Variants in AHNAK2 observed in about 807,000 individuals in gnomAD.
AHNAK2 encodes protein AHNAK2.
In AHNAK2, 18 loss-of-function variants were observed where a neutral mutation model predicts 30.7. That is an observed-to-expected ratio of 0.59 (90% CI 0.41 to 0.87). The LOEUF (loss-of-function observed/expected upper bound fraction) is 0.87, where lower values mean the gene tolerates loss of function less well. Among genes scored for constraint, AHNAK2 ranks in the 40% least tolerant of loss-of-function variants. The pLI, the probability that AHNAK2 is intolerant of heterozygous loss-of-function variation, is 0.00. For missense variants in AHNAK2, 8,604 were observed against 7,373.0 expected, an observed-to-expected ratio of 1.17 and a Z score of -6.11; for synonymous variants, 3,590 against 3,073.8, an observed-to-expected ratio of 1.17 and a Z score of -5.56.
In AHNAK2 at chr14:104,938,228, G is replaced by T. The variant is rs533237102; in HGVS notation, c.17223C>A (p.Ser5741=). ...ITFFDARESF[S]PEEKEEGELI... ...GTTCACCCTCTTCCTTCTCTTCAGG[G>T]GAGAAACTTTCTCGGGCATCAAAAA... The change falls in exon 7 of 7, where the codon TCC becomes TCA. Residue 5741 remains serine, a synonymous_variant. Transcript: ENST00000333244. 4.3e-6 allele frequency: 7 copies of T among 1,613,832 alleles called. No homozygotes were observed. The East Asian group carries it at 1.6e-4, about 36-fold the overall frequency.
In AHNAK2 at chr14:104,940,722, T is replaced by C. The variant is rs1897953071; in HGVS notation, c.14729A>G (p.Gln4910Arg). Residue 4910 changes from glutamine to arginine, a missense_variant, in exon 7 of 7, where the codon CAG becomes CGG. Gln to Arg is a conservative substitution (Grantham distance 43, BLOSUM62 1). Coordinates refer to ENST00000333244, the MANE Select transcript of AHNAK2 (RefSeq NM_138420.4). The surrounding 1 kb of genome is among the most constrained non-coding windows in gnomAD (Gnocchi z 4.4). The stretch of plus-strand genomic sequence containing the variant: ...CACACAGGTGCCTGGGGATGGCAGC[T>C]GGGTGCTTGGCAAGGGGCACTGCAC... ...ERVQCPLPST[Q>R]LPSPGTCVSQ... 2.5e-6 allele frequency: 4 copies of C among 1,612,916 alleles called. 1 individual carries two copies. In the Admixed American group the frequency reaches 6.7e-5, roughly 27 times the overall value.
intron 1 of AHNAK2, among the ~76,000 whole-genome samples, chr14:104,962,707 G>A (rs1344058195): frequency 1.3e-5 from 2 of 152,168 alleles, no homozygotes; most frequent in East Asian, 1.9e-4. Context: ...AAGTACAGGC[G>A]TGAGCCACCA....
rs1898068182 is a variant in AHNAK2 at position 104,943,041 on chromosome 14, T to C, written c.12410A>G (p.Lys4137Arg). The change falls in exon 7 of 7, where the codon AAG (lysine) becomes AGG (arginine). Residue 4137 changes from lysine to arginine, a missense_variant. Physicochemically the swap from Lys to Arg is conservative, Grantham distance 26. Coordinates refer to ENST00000333244, the MANE Select transcript of AHNAK2 (RefSeq NM_138420.4). ...TAKDSKFKMP[K>R]FKMPSFGVSA... Reference sequence around the variant, plus strand: ...CACCCCGAATGATGGCATCTTGAACTTGGGCATTTTGAACTTGCTGTCTTT... The same window carrying C: ...CACCCCGAATGATGGCATCTTGAACCTGGGCATTTTGAACTTGCTGTCTTT... 6.2e-7 allele frequency: 1 copy of C among 1,612,744 alleles called. No individual in the cohort carries two copies. Among genetic ancestry groups the C allele is most frequent in the Non-Finnish European group, 8.5e-7 (1 of 1,179,430 alleles).
rs753804248 is a variant in AHNAK2 at position 104,957,664 on chromosome 14, G to T, written c.64C>A (p.Arg22Ser). Residue 22 changes from arginine (R) to serine (S), a missense_variant, in exon 2 of 7, where the codon CGT becomes AGT. Arg to Ser is a moderately radical substitution (Grantham distance 110). Transcript: ENST00000333244. ...CCTGGCTCCCCGGGCTGCAGCTGAC[G>T]GCCGGACACTGCAGAGAGAGTGGCT... ...WPGTPGSVSG[R>S]QLQPGEPGAE... 1.1e-5 allele frequency: 17 copies of T among 1,610,714 alleles called. No individual in the cohort carries two copies. Among genetic ancestry groups the T allele is most frequent in the Non-Finnish European group, 1.1e-5 (13 of 1,179,068 alleles).
intron 3 of AHNAK2, among the ~76,000 whole-genome samples, chr14:104,957,052 T>TTA (rs1198406716): frequency 6.6e-6 from 1 of 152,222 alleles, no homozygotes; most frequent in Non-Finnish European, 1.5e-5. Context: ...CCCCGAGTCC[T>TTA]TGTCTCCAGA....
Position 104,943,373 on chromosome 14 carries a change from C to T in AHNAK2, c.12078G>A (p.Glu4026=), listed in dbSNP as rs1898085418. The T allele has an allele frequency of 6.2e-7, 1 of 1,612,974 alleles. No individual in the cohort carries two copies. The highest frequency in any genetic ancestry group is 1.3e-5 in the African/African-American group (1 of 74,738). Residue 4026 remains glutamate (E), a synonymous_variant, in exon 7 of 7, where the codon GAG becomes GAA. Coordinates refer to ENST00000333244, the MANE Select transcript of AHNAK2 (RefSeq NM_138420.4). ...TCACGTCCACTTGGCCAGCCTGGAC[C>T]TCCAGGTCAGCGGAAGGGGGCTGAA... is the stretch of plus-strand genomic sequence containing the variant. The part of the protein sequence containing the change: ...LSVQPPSADL[E]VQAGQVDVKL...
At chr14:104,961,143 CAAAT>C (rs918720868) in intron 1 of AHNAK2, among the ~76,000 whole-genome samples, 1 of 149,248 alleles carries the variant, frequency 6.7e-6, no homozygotes, top group Non-Finnish European at 1.5e-5. Context: ...AAAAAAAAAA[CAAAT>C]AAAATAAAAT....
chr14:104,944,554 C>T lies in AHNAK2; in HGVS notation c.10897G>A (p.Ala3633Thr). The T allele has an allele frequency of 1.2e-6, 2 of 1,613,258 alleles. No individual in the cohort carries two copies. Among genetic ancestry groups the T allele is most frequent in the Admixed American group, 1.7e-5 (1 of 59,968 alleles). The change falls in exon 7 of 7, where the codon GCC (alanine) becomes ACC (threonine). Residue 3633 changes from alanine to threonine, a missense_variant. By Grantham distance (58) the Ala-to-Thr change is moderately conservative (BLOSUM62 0). Coordinates refer to ENST00000333244, the MANE Select transcript of AHNAK2 (RefSeq NM_138420.4). ...GGCATTTTGAACTTGCTGTCTTTGGCAGTCACGTCCTTGTCAGCCAGGGAC... is the reference window on the plus strand; with the variant it reads ...GGCATTTTGAACTTGCTGTCTTTGGTAGTCACGTCCTTGTCAGCCAGGGAC... ...DLSLADKDVT[A>T]KDSKFKMPKF...
In AHNAK2 at chr14:104,944,453, G is replaced by A. The variant is rs774164448; in HGVS notation, c.10998C>T (p.Pro3666=). 6.2e-7 allele frequency: 1 copy of A among 1,612,308 alleles called. No homozygotes were observed. The highest frequency in any genetic ancestry group is 2.2e-5 in the East Asian group (1 of 44,714). The change falls in exon 7 of 7, where the codon CCC becomes CCT. Residue 3666 remains proline (P), a synonymous_variant. Coordinates refer to ENST00000333244, the MANE Select transcript of AHNAK2 (RefSeq NM_138420.4). Reference sequence around the variant, plus strand: ...GGAGACTCACATCGGCTTCCACCTTGGGTGCAGACACATCCACCGAGGCCT... The same window carrying A: ...GGAGACTCACATCGGCTTCCACCTTAGGTGCAGACACATCCACCGAGGCCT... ...SMEASVDVSA[P]KVEADVSLPS...
In AHNAK2 at chr14:104,941,473, C is replaced by T. The variant is rs755545502; in HGVS notation, c.13978G>A (p.Glu4660Lys). ...SEIEGNVTFHEKTSTFPIVES... is the reference protein window; with the variant it reads ...SEIEGNVTFHKKTSTFPIVES... ...ACAATGGGAAATGTGGAAGTCTTCT[C>T]ATGGAATGTAACATTTCCTTCGATT... Residue 4660 changes from glutamate to lysine, a missense_variant, in exon 7 of 7, where the codon GAG becomes AAG. Glu to Lys is a moderately conservative substitution (Grantham distance 56). Transcript: ENST00000333244. 1 of 1,612,760 alleles carries T rather than the reference C, an allele frequency of 6.2e-7. No homozygotes were observed.
In AHNAK2 at chr14:104,946,822, C is replaced by T. The variant is rs749765628; in HGVS notation, c.8629G>A (p.Val2877Met). The change falls in exon 7 of 7, where the codon GTG becomes ATG. Residue 2877 changes from valine to methionine, a missense_variant. By Grantham distance (21) the Val-to-Met change is conservative (BLOSUM62 1). Coordinates refer to ENST00000333244, the MANE Select transcript of AHNAK2 (RefSeq NM_138420.4). ...SAQLEVQAGQ[V>M]DVKLPEGHVP... ...TGGCCCTCTGGGAGTTTCACGTCCA[C>T]CTGGCCAGCCTGGACCTCCAGTTGG... 7.1e-5 allele frequency: 115 copies of T among 1,612,466 alleles called. No individual in the cohort carries two copies. In the East Asian group the frequency reaches 2.3e-3, roughly 33 times the overall value.
intron 1 of AHNAK2, among the ~76,000 whole-genome samples, chr14:104,968,233 C>T (rs574254338): frequency 6.6e-6 from 1 of 152,330 alleles, no homozygotes; most frequent in East Asian, 1.9e-4. Context: ...CCAGGTCAGT[C>T]CCTTGCATGC....
rs1748510812 is a variant in AHNAK2 at position 104,937,958 on chromosome 14, A to AG, written c.*104dup. ...GCTCTGTTCTCCGTTCTGTGAAGTG[A>AG]GGTGGATGTAATGTGCTGTGGGATG... On this transcript the variant is annotated 3_prime_UTR_variant, in exon 7 of 7. Coordinates refer to ENST00000333244, the MANE Select transcript of AHNAK2 (RefSeq NM_138420.4). 1.7e-6 allele frequency: 2 copies of AG among 1,192,930 alleles called. No individual in the cohort carries two copies. The highest frequency in any genetic ancestry group is 3.1e-5 in the African/African-American group (2 of 65,476). 73.9% of individuals were successfully genotyped at this position (1,192,930 alleles called of 1,614,324 possible).
At chr14:104,973,800 C>A (rs1317574607) in intron 1 of AHNAK2, among the ~76,000 whole-genome samples, 1 of 152,232 alleles carries the variant, frequency 6.6e-6, no homozygotes, top group African/African-American at 2.4e-5. Flanking sequence ...AGAGAGGAGG[C>A]CCCGATGCCA....
intron 3 of AHNAK2, among the ~76,000 whole-genome samples, chr14:104,957,025 G>A (rs574634042): frequency 6.6e-6 from 1 of 152,332 alleles, no homozygotes; most frequent in East Asian, 1.9e-4. Context: ...TCATAGACAT[G>A]CCTCCTCTGA....
At position 104,953,056 on chromosome 14, in the gene AHNAK2, T is replaced by C. The variant is rs200298349; in HGVS notation, c.2395A>G (p.Met799Val). 23 of 1,613,304 alleles carry C rather than the reference T, an allele frequency of 1.4e-5. No individual in the cohort carries two copies. In the South Asian group the frequency reaches 1.4e-4, roughly 10 times the overall value. ...CTCGGGGCCTGGACGTCCACCTCCA[T>C]GCTGGACAGAGACATCTTCACATCG... is the stretch of plus-strand genomic sequence containing the variant. ...APDVKMSLSS[M>V]EVDVQAPRAK... Residue 799 changes from methionine to valine, a missense_variant, in exon 7 of 7, where the codon ATG (methionine) becomes GTG (valine). By Grantham distance (21) the Met-to-Val change is conservative (BLOSUM62 1). Coordinates refer to ENST00000333244, the MANE Select transcript of AHNAK2 (RefSeq NM_138420.4).
At chr14:104,972,525 CA>C (rs1899494729) in intron 1 of AHNAK2, among the ~76,000 whole-genome samples, 1 of 152,188 alleles carries the variant, frequency 6.6e-6, no homozygotes. Flanking sequence ...CTGGGGCCCC[CA>C]CCCCAGCTAC....
In AHNAK2 at chr14:104,947,411, G is replaced by C. The variant is rs763006087; in HGVS notation, c.8040C>G (p.Ala2680=). 8 of 1,608,536 alleles carry C rather than the reference G, an allele frequency of 5.0e-6. No homozygotes were observed. Among genetic ancestry groups the C allele is most frequent in the South Asian group, 1.1e-5 (1 of 90,770 alleles). The change falls in exon 7 of 7, where the codon GCC becomes GCG. Residue 2680 remains alanine (A), a synonymous_variant. Transcript: ENST00000333244. ...LVDVSELKVE[A]DMSLPSMQGD... is the part of the protein sequence containing the mutation. ...CTTGCATGGAGGGGAGGCTCATGTCGGCTTCCACCTTCAGCTCAGACACAT... is the reference window on the plus strand; with the variant it reads ...CTTGCATGGAGGGGAGGCTCATGTCCGCTTCCACCTTCAGCTCAGACACAT...
At chr14:104,965,794 C>A (rs906212138) in intron 1 of AHNAK2, among the ~76,000 whole-genome samples, 2 of 152,238 alleles carry the variant, frequency 1.3e-5, no homozygotes, top group African/African-American at 4.8e-5. Flanking sequence ...CCAGTCCCGG[C>A]AGTGGTCTAG....
Sources: gnomAD v4.1 joint callset for allele counts (sites outside exome capture counted in the v4.1 genomes callset) on GRCh38, gnomAD v4.1.1 for gene constraint, Gnocchi (gnomAD v3.1) non-coding constraint, MANE v1.5 for transcripts, NCBI Gene and HGNC (gene_info 2026-07-23, HGNC 2026-07-21) for gene names.